MMP20: variants seen among roughly 807,000 people sequenced by gnomAD.
MMP20 encodes matrix metallopeptidase 20.
MMP20 carries 50 observed loss-of-function variants against 51.8 expected under a neutral mutation model. The observed-to-expected ratio is 0.97, with a 90% CI of 0.77 to 1.22. MMP20 has a LOEUF of 1.22. Ranked by LOEUF, MMP20 falls within the 50% of genes most tolerant of loss-of-function variation. The probability of loss-of-function intolerance (pLI) is 0.00; values close to 1 mark genes in which losing one functional copy is unlikely to be tolerated. For synonymous variants in MMP20, 244 were observed against 216.2 expected (o/e 1.13, Z -1.13); for missense variants, 663 against 601.4 (o/e 1.10, Z -1.07).
intron 1 of MMP20, among the ~76,000 whole-genome samples, chr11:102,619,986 A>T (rs1170754413): frequency 2.0e-5 from 3 of 152,194 alleles, no homozygotes; most frequent in African/African-American, 7.2e-5. Flanking sequence ...GATATAAACA[A>T]AATCTCTCCC....
At chr11:102,612,300 A>G (rs1859612484) in intron 2 of MMP20, among the ~76,000 whole-genome samples, 1 of 152,172 alleles carries the variant, frequency 6.6e-6, no homozygotes, top group Non-Finnish European at 1.5e-5. Flanking sequence ...CCCCATCTCT[A>G]CTAAAAATAC....
At chr11:102,612,617 G>T (rs1029563504) in intron 2 of MMP20, among the ~76,000 whole-genome samples, 1 of 151,968 alleles carries the variant, frequency 6.6e-6, no homozygotes, top group Admixed American at 6.5e-5. Context: ...TAGAAATGTG[G>T]AGTTTTGAAG....
rs1415797015 is a variant in MMP20 at position 102,625,301 on chromosome 11, A to G, written c.19T>C (p.Ser7Pro). The change falls in exon 1 of 10, where the codon TCT becomes CCT. Residue 7 changes from serine (S) to proline (P), a missense_variant. Coordinates refer to ENST00000260228, the MANE Select transcript of MMP20 (RefSeq NM_004771.4). The part of the protein sequence containing the change: MKVLPA[S>P]GLAVFLIMAL... ...ATGATGAGGAAGACAGCAAGGCCAGATGCAGGGAGCACCTTCATCCCCTCA... is the reference window on the plus strand; with the variant it reads ...ATGATGAGGAAGACAGCAAGGCCAGGTGCAGGGAGCACCTTCATCCCCTCA... 5 of 1,613,586 alleles carry G rather than the reference A, an allele frequency of 3.1e-6. No homozygotes were observed. The highest frequency in any genetic ancestry group is 4.2e-6 in the Non-Finnish European group (5 of 1,179,742).
intron 1 of MMP20, among the ~76,000 whole-genome samples, chr11:102,617,400 A>G (rs2280211): frequency 0.13 from 20,005 of 152,232 alleles, 1,546 homozygotes; most frequent in East Asian, 0.4. Context: ...GCTGATGTGA[A>G]CATTATTTCC....
At chr11:102,617,234 T>C (rs1050025678) in intron 1 of MMP20, among the ~76,000 whole-genome samples, 175 bp from the exon 2 acceptor site, 2 of 152,232 alleles carry the variant, frequency 1.3e-5, no homozygotes, top group Non-Finnish European at 2.9e-5. Context: ...CTCCAAATTA[T>C]TAACGATGAT....
chr11:102,585,956 G>T (rs1289668036), intron 8 of MMP20, among the ~76,000 whole-genome samples: 1 of 152,076 alleles, frequency 6.6e-6, no homozygotes, highest in African/African-American at 2.4e-5. Context: ...AATCCTACTT[G>T]GTCTTGGTGT....
intron 1 of MMP20, among the ~76,000 whole-genome samples, chr11:102,623,284 C>G (rs552716007): frequency 2.6e-5 from 4 of 152,168 alleles, no homozygotes; most frequent in African/African-American, 4.8e-5. Context: ...GGGCTGCACC[C>G]GGAAACCAGT....
chr11:102,583,832 C>A (rs1411138532), intron 8 of MMP20, among the ~76,000 whole-genome samples: 1 of 152,234 alleles, frequency 6.6e-6, no homozygotes, highest in Non-Finnish European at 1.5e-5. Flanking sequence ...CAATCACTAT[C>A]TACTTTCTGT....
At position 102,599,598 on chromosome 11, in the gene MMP20, G is replaced by GT. The variant is rs1859422453; in HGVS notation, c.954-4842dup. Among the ~76,000 whole-genome samples the GT allele has an allele frequency of 2.0e-5, 3 of 152,164 alleles. No homozygotes were observed. In the South Asian group the frequency reaches 6.2e-4, roughly 31 times the overall value. On this transcript the variant is annotated intron_variant, in intron 6 of 9. Transcript: ENST00000260228. The stretch of plus-strand genomic sequence containing the variant: ...ATTTGTAGACACTTTAAAAAGACAT[G>GT]TTTTTACTCCACAAATTTATTAATA...
chr11:102,625,184 A>G lies in MMP20; in HGVS notation c.126+10T>C, dbSNP rs535565490. 1.2e-5 allele frequency: 19 copies of G among 1,613,684 alleles called. No individual in the cohort carries two copies. The East Asian group carries it at 1.8e-4, about 15-fold the overall frequency. ...AGGAGCAAGAAGGAATTGGGCAAAA[A>G]TTCACAAACCTGTGCGAGGCGGTAG... On this transcript the variant is annotated intron_variant, in intron 1 of 9. Transcript: ENST00000260228.
intron 6 of MMP20, among the ~76,000 whole-genome samples, chr11:102,600,537 G>A (rs1470992938): frequency 6.6e-6 from 1 of 152,118 alleles, no homozygotes; most frequent in Non-Finnish European, 1.5e-5. Context: ...AGGCTGGAGT[G>A]CAGTGGTGCA....
chr11:102,614,874 T>A (rs956262906), intron 2 of MMP20, among the ~76,000 whole-genome samples: 61 of 152,160 alleles, frequency 4.0e-4, no homozygotes, highest in Non-Finnish European at 7.6e-4. Context: ...CTATGGCTAA[T>A]TCAAGCTACC....
rs1859345947 is a variant in MMP20, at chr11:102,593,696, G to A, written c.1091-101C>T. On this transcript the variant is annotated intron_variant, in intron 7 of 9. Coordinates refer to ENST00000260228, the MANE Select transcript of MMP20 (RefSeq NM_004771.4). ...AGGCTCTTAAATGGGGTTAGTTTATGGGATACTTGCCATGGCTATAACCCA... is the reference window on the plus strand; with the variant it reads ...AGGCTCTTAAATGGGGTTAGTTTATAGGATACTTGCCATGGCTATAACCCA... 1.9e-5 allele frequency: 25 copies of A among 1,303,656 alleles called. No individual in the cohort carries two copies. The South Asian group carries it at 3.0e-4, about 16-fold the overall frequency. 80.8% of individuals were successfully genotyped at this position (1,303,656 alleles called of 1,614,324 possible).
intron 8 of MMP20, among the ~76,000 whole-genome samples, chr11:102,590,010 G>A (rs1859299717): frequency 6.6e-6 from 1 of 152,132 alleles, no homozygotes; most frequent in Admixed American, 6.6e-5. Flanking sequence ...GTGATTCAGG[G>A]TAGAGGGGCA....
At chr11:102,588,705 GC>G (rs1432172954) in intron 8 of MMP20, among the ~76,000 whole-genome samples, 1 of 151,600 alleles carries the variant, frequency 6.6e-6, no homozygotes, top group Non-Finnish European at 1.5e-5. Context: ...TTTTGTGGGG[GC>G]TTGAATTGCT....
At chr11:102,616,290 C>T (rs1859669170) in intron 2 of MMP20, among the ~76,000 whole-genome samples, 1 of 152,150 alleles carries the variant, frequency 6.6e-6, no homozygotes, top group Non-Finnish European at 1.5e-5. Context: ...TATGCTTTTG[C>T]ACTTTTCACA....
At chr11:102,614,588 A>C (rs987084450) in intron 2 of MMP20, among the ~76,000 whole-genome samples, 4 of 152,288 alleles carry the variant, frequency 2.6e-5, no homozygotes, top group African/African-American at 9.6e-5. Flanking sequence ...TATTCTTACT[A>C]TTTCAGAATC....
chr11:102,625,278 G>C lies in MMP20; in HGVS notation c.42C>G (p.Ile14Met), dbSNP rs373119810. ...LPASGLAVFL[I>M]MALKFSTAAP... ...CTGCAGTGGAAAACTTCAAAGCCATGATGAGGAAGACAGCAAGGCCAGATG... is the reference window on the plus strand; with the variant it reads ...CTGCAGTGGAAAACTTCAAAGCCATCATGAGGAAGACAGCAAGGCCAGATG... Residue 14 changes from isoleucine to methionine, a missense_variant, in exon 1 of 10, where the codon ATC (isoleucine) becomes ATG (methionine). Ile to Met is a conservative substitution (Grantham distance 10). Coordinates refer to ENST00000260228, the MANE Select transcript of MMP20 (RefSeq NM_004771.4). 37 of 1,613,818 alleles carry C rather than the reference G, an allele frequency of 2.3e-5. No homozygotes were observed. In the South Asian group the frequency reaches 2.7e-4, roughly 12 times the overall value.
intron 6 of MMP20, among the ~76,000 whole-genome samples, chr11:102,595,688 A>T (rs1032241005): frequency 1.3e-5 from 2 of 152,238 alleles, no homozygotes; most frequent in African/African-American, 2.4e-5. Context: ...TAGTACACAC[A>T]TATTGATTTA....
Sources: allele counts gnomAD v4.1 joint callset (sites outside exome capture counted in the v4.1 genomes callset), GRCh38; gene constraint gnomAD v4.1.1; transcripts MANE v1.5; gene names NCBI Gene and HGNC (gene_info 2026-07-23, HGNC 2026-07-21).